ARID1B: variants seen among roughly 807,000 people sequenced by gnomAD.
ARID1B encodes the protein AT-rich interactive domain-containing protein 1B.
Under a neutral mutation model 212.3 loss-of-function variants are expected in ARID1B, and 30 were observed. The observed-to-expected ratio is 0.14, with a 90% CI of 0.11 to 0.19. The LOEUF (loss-of-function observed/expected upper bound fraction) is 0.19. Among genes scored for constraint, ARID1B ranks in the 10% least tolerant of loss-of-function variants. The pLI is 1.00. For missense variants in ARID1B, 2,891 were observed against 3,204.0 expected (o/e 0.90, Z 2.36); for synonymous variants, 1,402 against 1,301.7 (o/e 1.08, Z -1.66).
chr6:156,930,111 T>TA (rs1166760553), intron 3 of ARID1B, among the ~76,000 whole-genome samples: 2 of 152,256 alleles, frequency 1.3e-5, no homozygotes, highest in African/African-American at 4.8e-5. Context: ...AGCAATCTGA[T>TA]ACAGTTTGGA....
intron 9 of ARID1B, chr6:157,168,257 A>G (rs1014344084): frequency 3.9e-5 from 6 of 152,254 alleles, no homozygotes; most frequent in Non-Finnish European, 8.8e-5. Flanking sequence ...GTGACATTCC[A>G]TGATAATTTC....
At chr6:156,833,453 T>G (rs1483318784) in intron 2 of ARID1B, among the ~76,000 whole-genome samples, 1 of 151,270 alleles carries the variant, frequency 6.6e-6, no homozygotes, top group Non-Finnish European at 1.5e-5. Flanking sequence ...TTTTCCTGAG[T>G]TTTTTTTTGT....
At position 157,184,388 on chromosome 6, in the gene ARID1B, G is replaced by A. The variant is rs1792808799; in HGVS notation, c.3872G>A (p.Ser1291Asn). 2 of 1,614,152 alleles carry A rather than the reference G, an allele frequency of 1.2e-6. No homozygotes were observed. Among genetic ancestry groups the A allele is most frequent in the Non-Finnish European group, 1.7e-6 (2 of 1,180,030 alleles). The stretch of plus-strand genomic sequence containing the variant: ...GAGGAGCCCCCGCCGGAAGTCTTCA[G>A]CACCGGGGACACCAAAAAGCAGCCC... ...RGEEPPPEVF[S>N]TGDTKKQPKL... The change falls in exon 13 of 20, where the codon AGC (serine) becomes AAC (asparagine). Residue 1291 changes from serine to asparagine, a missense_variant. By Grantham distance (46) the Ser-to-Asn change is conservative. Coordinates refer to ENST00000636930, the MANE Select transcript of ARID1B (RefSeq NM_001374828.1).
At chr6:157,157,871 CAGTG>C (rs1291942828) in intron 8 of ARID1B, among the ~76,000 whole-genome samples, 1 of 152,142 alleles carries the variant, frequency 6.6e-6, no homozygotes, top group Non-Finnish European at 1.5e-5. Context: ...AAGTGAAAAA[CAGTG>C]AGCTAGGCAT....
chr6:156,807,834 CA>C (rs111259032), intron 1 of ARID1B, among the ~76,000 whole-genome samples: 3,503 of 152,242 alleles, frequency 0.023, 116 homozygotes, highest in African/African-American at 0.08. Context: ...AACACAATAT[CA>C]TTTTTTTTGC....
At chr6:156,945,993 A>G (rs552518964) in intron 4 of ARID1B, among the ~76,000 whole-genome samples, 1 of 152,250 alleles carries the variant, frequency 6.6e-6, no homozygotes, top group Non-Finnish European at 1.5e-5. Context: ...TGGGCAACAG[A>G]GCAAGACCCT....
chr6:156,888,706 G>A (rs898944695), intron 2 of ARID1B, among the ~76,000 whole-genome samples: 2 of 152,142 alleles, frequency 1.3e-5, no homozygotes, highest in Admixed American at 1.3e-4. Flanking sequence ...GGCAGCTCAG[G>A]CCTTTTTATT....
chr6:156,949,668 G>A (rs1793433647), intron 4 of ARID1B, among the ~76,000 whole-genome samples: 1 of 152,208 alleles, frequency 6.6e-6, no homozygotes, highest in African/African-American at 2.4e-5. Context: ...CTCTTTGGAT[G>A]CAGAGAATGT....
intron 4 of ARID1B, among the ~76,000 whole-genome samples, chr6:157,046,419 T>C (rs1782249532): frequency 6.6e-6 from 1 of 152,210 alleles, no homozygotes. Flanking sequence ...CCTGCCATTT[T>C]ATAATTAAGA....
At chr6:156,924,555 A>G (rs1791072839) in intron 3 of ARID1B, among the ~76,000 whole-genome samples, 1 of 152,224 alleles carries the variant, frequency 6.6e-6, no homozygotes. Context: ...TGCCTCACAA[A>G]GGGAGGAGTC....
intron 12 of ARID1B, among the ~76,000 whole-genome samples, chr6:157,181,689 G>A (rs373175539): frequency 2.0e-5 from 3 of 152,194 alleles, no homozygotes; most frequent in South Asian, 4.1e-4. Context: ...GGCCTGAGGT[G>A]TGACAGGGGA....
intron 2 of ARID1B, among the ~76,000 whole-genome samples, chr6:156,868,520 G>A (rs922365786): frequency 6.6e-6 from 1 of 152,232 alleles, no homozygotes; most frequent in Non-Finnish European, 1.5e-5. Context: ...CAGATTGAGT[G>A]TCTGGCGAGG....
At chr6:156,994,353 G>A (rs1562535069) in intron 4 of ARID1B, among the ~76,000 whole-genome samples, 1 of 152,040 alleles carries the variant, frequency 6.6e-6, no homozygotes, top group East Asian at 1.9e-4. Flanking sequence ...GCGCTAATGG[G>A]TTTTAAAGCT....
intron 4 of ARID1B, among the ~76,000 whole-genome samples, chr6:157,042,866 G>A (rs1781980608): frequency 1.3e-5 from 2 of 152,086 alleles, no homozygotes; most frequent in South Asian, 2.1e-4. Flanking sequence ...TTACCATGTT[G>A]GCCAGGCTGG....
intron 3 of ARID1B, among the ~76,000 whole-genome samples, chr6:156,910,127 A>G (rs1434413683): frequency 6.6e-6 from 1 of 152,168 alleles, no homozygotes; most frequent in Non-Finnish European, 1.5e-5. Context: ...ATTGAGCGTA[A>G]TGTTTGGTTG....
At chr6:157,037,198 GA>G (rs1469516709) in intron 4 of ARID1B, among the ~76,000 whole-genome samples, 1 of 152,188 alleles carries the variant, frequency 6.6e-6, no homozygotes, top group Admixed American at 6.5e-5. Flanking sequence ...TGAAATGTAA[GA>G]TGTTATCAGA....
chr6:157,066,045 T>A (rs1244294217), intron 4 of ARID1B, among the ~76,000 whole-genome samples: 1 of 152,168 alleles, frequency 6.6e-6, no homozygotes, highest in African/African-American at 2.4e-5. Context: ...TGAATAAAAG[T>A]CAGTTAAATT....
intron 2 of ARID1B, among the ~76,000 whole-genome samples, chr6:156,879,444 G>A (rs1786863695): frequency 1.3e-5 from 2 of 152,158 alleles, no homozygotes; most frequent in Non-Finnish European, 2.9e-5. Context: ...CTACACTCTG[G>A]CAAATGAGAG....
rs1554265935 is a variant in ARID1B at position 156,905,250 on chromosome 6, G to GCGCACACACACACA, written c.2136+3726_2136+3727insGCACACACACACAC. Among the ~76,000 whole-genome samples the GCGCACACACACACA allele has an allele frequency of 2.3e-3, 333 of 143,832 alleles. 1 individual carries two copies. Among genetic ancestry groups the GCGCACACACACACA allele is most frequent in the Middle Eastern group, 3.5e-3 (1 of 286 alleles). 94.4% of individuals were successfully genotyped at this position (143,832 alleles called of 152,430 possible). A position where few individuals can be genotyped will look rare whatever the true frequency, so the allele number is the denominator to read the frequency against. On this transcript the variant is annotated intron_variant, in intron 3 of 19. Coordinates refer to ENST00000636930, the MANE Select transcript of ARID1B (RefSeq NM_001374828.1). ...GAATCAATTGTGCTCACATATGCACGCACACACACACACACACACACACAC... is the reference window on the plus strand; with the variant it reads ...GAATCAATTGTGCTCACATATGCACGCGCACACACACACACACACACACACACACACACACACAC...
Sources: allele counts gnomAD v4.1 joint callset (sites outside exome capture counted in the v4.1 genomes callset), GRCh38; gene constraint gnomAD v4.1.1; transcripts MANE v1.5; gene names NCBI Gene and HGNC (gene_info 2026-07-23, HGNC 2026-07-21).